Variants in MAML2 observed in about 807,000 individuals in gnomAD.
The protein encoded by MAML2 is mastermind-like protein 2.
Under a neutral mutation model 96.1 loss-of-function variants are expected in MAML2, and 22 were observed. The ratio of observed to expected loss-of-function variants is 0.23; its 90% CI spans 0.16 to 0.33. The LOEUF (loss-of-function observed/expected upper bound fraction) is 0.33. Ranked by LOEUF, MAML2 falls within the 10% of genes least tolerant of loss-of-function variation. MAML2 has a pLI of 1.00. For synonymous variants in MAML2, 561 were observed against 521.3 expected, an observed-to-expected ratio of 1.08 and a Z score of -1.04; for missense variants, 1,367 against 1,392.4, an observed-to-expected ratio of 0.98 and a Z score of 0.29.
intron 2 of MAML2, among the ~76,000 whole-genome samples, chr11:96,007,649 T>A (rs1858205484): frequency 6.6e-6 from 1 of 151,924 alleles, no homozygotes; most frequent in Non-Finnish European, 1.5e-5. Flanking sequence ...AGATATTAAG[T>A]ATATATTTGT....
intron 1 of MAML2, among the ~76,000 whole-genome samples, chr11:96,130,715 C>A (rs1424041253): frequency 6.6e-6 from 1 of 151,272 alleles, no homozygotes; most frequent in Non-Finnish European, 1.5e-5. Context: ...GTCCTTCAGT[C>A]TTTGCCTTAA....
At position 95,978,454 on chromosome 11, in the gene MAML2, A is replaced by G. The variant is rs1468477798; in HGVS notation, c.*494T>C. 2 of 199,398 alleles carry G rather than the reference A, an allele frequency of 1.0e-5. No individual in the cohort carries two copies. The highest frequency in any genetic ancestry group is 2.1e-5 in the Non-Finnish European group (2 of 96,692). 12.4% of individuals were successfully genotyped at this position (199,398 alleles called of 1,614,324 possible). ...CTGTTTGGTTACTCCAAACAAACCT[A>G]TAACATTTCAATCTATCCTGCAAGC... is the stretch of plus-strand genomic sequence containing the variant. On this transcript the variant is annotated 3_prime_UTR_variant, in exon 5 of 5. Coordinates refer to ENST00000524717, the MANE Select transcript of MAML2 (RefSeq NM_032427.4).
chr11:96,106,348 A>G (rs1356581989), intron 1 of MAML2, among the ~76,000 whole-genome samples: 1 of 152,222 alleles, frequency 6.6e-6, no homozygotes, highest in Non-Finnish European at 1.5e-5. Flanking sequence ...AGCCCTCTTC[A>G]TTTGATGAGA....
At chr11:96,132,316 C>T (rs918421150) in intron 1 of MAML2, among the ~76,000 whole-genome samples, 2 of 152,138 alleles carry the variant, frequency 1.3e-5, no homozygotes, top group African/African-American at 4.8e-5. Context: ...GCCAGGCCTG[C>T]AAGGTAGTAA....
At chr11:96,246,322 G>A (rs1220283626) in intron 1 of MAML2, among the ~76,000 whole-genome samples, 1 of 152,118 alleles carries the variant, frequency 6.6e-6, no homozygotes, top group Non-Finnish European at 1.5e-5. Flanking sequence ...ATAAGGAGGT[G>A]TTTATAAGTA....
chr11:96,002,928 A>G (rs62652085), intron 2 of MAML2, among the ~76,000 whole-genome samples: 111,522 of 137,410 alleles, frequency 0.81, 45,152 homozygotes, highest in East Asian at 0.93. Context: ...GGGATAAGGA[A>G]GATGATGGGG....
At chr11:96,079,221 TAATAAA>T (rs1475693211) in intron 2 of MAML2, among the ~76,000 whole-genome samples, 3 of 152,210 alleles carry the variant, frequency 2.0e-5, no homozygotes, top group African/African-American at 7.2e-5. Context: ...GAAAATCTAA[TAATAAA>T]ACTTGATGTA....
At position 95,991,549 on chromosome 11, in the gene MAML2, G is replaced by T. The variant is rs778030907; in HGVS notation, c.2314C>A (p.Leu772Ile). The T allele has an allele frequency of 6.2e-7, 1 of 1,613,670 alleles. No individual in the cohort carries two copies. Among genetic ancestry groups the T allele is most frequent in the Non-Finnish European group, 8.5e-7 (1 of 1,179,724 alleles). ...TCAGCCAGCATCTGCTGCTGGAGAA[G>T]AAGTTGCTGTTTCTGCTCCATGATC... ...RQIMEQKQQL[L>I]LQQQMLADAE... Residue 772 changes from leucine (L) to isoleucine (I), a missense_variant, in exon 3 of 5, where the codon CTT becomes ATT. Coordinates refer to ENST00000524717, the MANE Select transcript of MAML2 (RefSeq NM_032427.4).
chr11:96,029,022 T>C (rs1305946547), intron 2 of MAML2, among the ~76,000 whole-genome samples: 1 of 152,220 alleles, frequency 6.6e-6, no homozygotes, highest in Non-Finnish European at 1.5e-5. Context: ...AGAGGTGTAC[T>C]CTCCAGGCCC....
intron 1 of MAML2, among the ~76,000 whole-genome samples, chr11:96,235,240 G>A (rs61901909): frequency 0.039 from 5,999 of 152,106 alleles, 158 homozygotes; most frequent in Non-Finnish European, 0.059. Context: ...TATGACTCAA[G>A]GGCCAAATCT....
chr11:96,336,457 C>G (rs1212386614), intron 1 of MAML2, among the ~76,000 whole-genome samples: 2 of 152,180 alleles, frequency 1.3e-5, no homozygotes, highest in Admixed American at 1.3e-4. Flanking sequence ...ATGTCTTTAG[C>G]TGTATTTCTC....
chr11:96,060,100 A>G (rs1239675240), intron 2 of MAML2, among the ~76,000 whole-genome samples: 4 of 152,242 alleles, frequency 2.6e-5, no homozygotes, highest in African/African-American at 4.8e-5. Flanking sequence ...GCACAAAGGC[A>G]TGAAGGAATA....
chr11:96,097,336 A>T (rs753406627), intron 1 of MAML2, among the ~76,000 whole-genome samples: 38 of 152,190 alleles, frequency 2.5e-4, no homozygotes, highest in Non-Finnish European at 5.0e-4. Flanking sequence ...GAATAAAGGC[A>T]AGGGTTTAAA....
intron 2 of MAML2, among the ~76,000 whole-genome samples, chr11:96,050,831 A>G (rs1301235927): frequency 1.3e-5 from 2 of 152,190 alleles, no homozygotes; most frequent in Admixed American, 1.3e-4. Context: ...AGTAAAGGCA[A>G]TTCCTTCACC....
chr11:95,981,228 A>G (rs1857731349), intron 4 of MAML2, among the ~76,000 whole-genome samples: 1 of 152,210 alleles, frequency 6.6e-6, no homozygotes, highest in African/African-American at 2.4e-5. Context: ...GCCTGGTTTT[A>G]GCTGAACTAA....
chr11:96,014,595 G>A (rs1200807576), intron 2 of MAML2, among the ~76,000 whole-genome samples: 1 of 152,196 alleles, frequency 6.6e-6, no homozygotes. Flanking sequence ...TCAACTTGTA[G>A]TAAAAAACTC....
intron 3 of MAML2, among the ~76,000 whole-genome samples, chr11:95,987,438 T>G (rs1439718479): frequency 6.6e-6 from 1 of 152,202 alleles, no homozygotes; most frequent in Non-Finnish European, 1.5e-5. Context: ...ATGACTTCAC[T>G]GCAATTTTGT....
chr11:96,309,856 C>T (rs939079003), intron 1 of MAML2, among the ~76,000 whole-genome samples: 8 of 151,950 alleles, frequency 5.3e-5, no homozygotes, highest in African/African-American at 1.2e-4. Context: ...CATGCCACCA[C>T]GCCCAGCTAA....
chr11:96,329,296 G>T lies in MAML2; in HGVS notation c.513+12087C>A, dbSNP rs544998578. ...GTCCCTCAGAATATGGCCAGAGATGGAGTGATTTGTTCATTACTTCTAGGA... is the reference window on the plus strand; with the variant it reads ...GTCCCTCAGAATATGGCCAGAGATGTAGTGATTTGTTCATTACTTCTAGGA... On this transcript the variant is annotated intron_variant, in intron 1 of 4. Transcript: ENST00000524717. Among the ~76,000 whole-genome samples the T allele has an allele frequency of 2.0e-5, 3 of 152,236 alleles. No individual in the cohort carries two copies. The East Asian group carries it at 5.8e-4, about 29-fold the overall frequency.
Sources: gnomAD v4.1 joint callset for allele counts (sites outside exome capture counted in the v4.1 genomes callset) on GRCh38, gnomAD v4.1.1 for gene constraint, MANE v1.5 for transcripts, NCBI Gene and HGNC (gene_info 2026-07-23, HGNC 2026-07-21) for gene names.